The following LPP variants were observed in gnomAD, a reference collection of about 807,000 sequenced individuals.
LPP encodes LIM domain containing preferred translocation partner in lipoma.
A neutral mutation model predicts 60.4 loss-of-function variants in LPP; 38 were observed. That is an observed-to-expected ratio of 0.63 (90% CI 0.49 to 0.83). The LOEUF (loss-of-function observed/expected upper bound fraction) is 0.83. Ranked by LOEUF, LPP falls within the 40% of genes least tolerant of loss-of-function variation. The probability of loss-of-function intolerance (pLI) is 0.00; values close to 1 mark genes in which losing one functional copy is unlikely to be tolerated. For synonymous variants in LPP, 328 were observed against 290.8 expected, an observed-to-expected ratio of 1.13 and a Z score of -1.30; for missense variants, 902 against 783.6, an observed-to-expected ratio of 1.15 and a Z score of -1.80.
intron 7 of LPP, among the ~76,000 whole-genome samples, chr3:188,684,950 G>A (rs1860365464): frequency 6.6e-6 from 1 of 152,202 alleles, no homozygotes; most frequent in Admixed American, 6.5e-5. Flanking sequence ...AGTAATTGGT[G>A]CCTCAGAAGA....
At position 188,609,729 on chromosome 3, in the gene LPP, C is replaced by G. The variant is rs369623619; in HGVS notation, c.998C>G (p.Thr333Ser). Reference protein sequence around the residue: ...PNTWKREPGYTPPGAGNQNPP... With the variant: ...PNTWKREPGYSPPGAGNQNPP... ...ACCTGGAAACGGGAACCAGGGTACA[C>G]TCCTCCTGGAGCAGGGAACCAGAAC... Residue 333 changes from threonine to serine, a missense_variant, in exon 7 of 12, where the codon ACT becomes AGT. Physicochemically the swap from Thr to Ser is moderately conservative, Grantham distance 58. Coordinates refer to ENST00000617246, the MANE Select transcript of LPP (RefSeq NM_001375462.1). The surrounding 1 kb of genome is among the most constrained non-coding windows in gnomAD (Gnocchi z 6.9). 5 of 1,614,060 alleles carry G rather than the reference C, an allele frequency of 3.1e-6. No individual in the cohort carries two copies. The African/African-American group carries it at 6.7e-5, about 22-fold the overall frequency.
chr3:188,708,437 C>A, intron 8 of LPP, 44 bp downstream of exon 8: 1 of 1,613,888 alleles, frequency 6.2e-7, no homozygotes, highest in Non-Finnish European at 8.5e-7. Context: ...CTATCTTGCT[C>A]TGATTTCCTT....
intron 2 of LPP, among the ~76,000 whole-genome samples, chr3:188,314,899 T>C (rs1375187533): frequency 6.6e-6 from 1 of 152,218 alleles, no homozygotes; most frequent in Non-Finnish European, 1.5e-5. Flanking sequence ...ATGGGTTATT[T>C]CTTTAAAATA....
chr3:188,601,934 G>C (rs796508021), intron 6 of LPP, among the ~76,000 whole-genome samples: 3 of 151,152 alleles, frequency 2.0e-5, no homozygotes, highest in Non-Finnish European at 4.4e-5. Context: ...CTGGCGTGGT[G>C]GTGGGTGCCT....
chr3:188,607,980 T>C (rs1842858445), intron 6 of LPP, among the ~76,000 whole-genome samples: 1 of 152,192 alleles, frequency 6.6e-6, no homozygotes, highest in Non-Finnish European at 1.5e-5. Flanking sequence ...CTCTTCAACA[T>C]GTAAAGCTCT....
chr3:188,266,022 T>C (rs1735412254), intron 2 of LPP, among the ~76,000 whole-genome samples: 1 of 152,194 alleles, frequency 6.6e-6, no homozygotes, highest in Non-Finnish European at 1.5e-5. Context: ...TGTTGCTGCC[T>C]GGTTCTGCTC....
At chr3:188,619,925 T>C (rs1845507055) in intron 7 of LPP, among the ~76,000 whole-genome samples, 1 of 152,162 alleles carries the variant, frequency 6.6e-6, no homozygotes, top group African/African-American at 2.4e-5. Flanking sequence ...CTCCTTTTTT[T>C]CCCACCCTGG....
chr3:188,544,570 G>A (rs1218819659), intron 6 of LPP, among the ~76,000 whole-genome samples: 1 of 142,010 alleles, frequency 7.0e-6, no homozygotes, highest in Non-Finnish European at 1.5e-5. Flanking sequence ...TCTCACACCA[G>A]TTAGAATGGC....
At chr3:188,813,984 A>G (rs964892209) in intron 9 of LPP, among the ~76,000 whole-genome samples, 4 of 152,104 alleles carry the variant, frequency 2.6e-5, no homozygotes, top group South Asian at 2.1e-4. Flanking sequence ...AGGCAGGACA[A>G]TCACTTGAAC....
intron 4 of LPP, among the ~76,000 whole-genome samples, chr3:188,484,103 A>G (rs1326872165): frequency 6.6e-6 from 1 of 152,138 alleles, no homozygotes; most frequent in Non-Finnish European, 1.5e-5. Flanking sequence ...CCAAGGATGG[A>G]CGTACCTTCT....
chr3:188,581,695 C>A (rs1395029735), intron 6 of LPP, among the ~76,000 whole-genome samples: 1 of 152,042 alleles, frequency 6.6e-6, no homozygotes, highest in Non-Finnish European at 1.5e-5. Flanking sequence ...CCTGGTTATA[C>A]CCTGGATCTT....
chr3:188,240,638 A>G (rs1724130693), intron 2 of LPP, among the ~76,000 whole-genome samples: 2 of 152,236 alleles, frequency 1.3e-5, no homozygotes, highest in Admixed American at 6.5e-5. Context: ...ACTTTCATAT[A>G]AAAAAGCGTA....
rs146416891 is a variant in LPP, at chr3:188,529,232, T to C, written c.429+4445T>C. ...AAGTATGTGCCAAGAGAAGATGATG[T>C]CTATAGTAGACGGTGTTGTGTTATA... On this transcript the variant is annotated intron_variant, in intron 6 of 11. Coordinates refer to ENST00000617246, the MANE Select transcript of LPP (RefSeq NM_001375462.1). Among the ~76,000 whole-genome samples, 427 of 152,342 alleles carry C rather than the reference T, an allele frequency of 2.8e-3. 2 individuals carry two copies. The highest frequency in any genetic ancestry group is 9.9e-3 in the African/African-American group (413 of 41,576).
chr3:188,548,781 G>T (rs940825875), intron 6 of LPP, among the ~76,000 whole-genome samples: 3 of 152,146 alleles, frequency 2.0e-5, no homozygotes, highest in African/African-American at 7.2e-5. Flanking sequence ...GCAGAAACTG[G>T]GAGAGGCCGC....
Position 188,881,420 on chromosome 3 carries a change from A to G in LPP, c.*6941A>G, listed in dbSNP as rs1195388858. ...GCTGCTTCTTTAAACAGTGGACACA[A>G]ACATATTTTCTAATTTTCAGTGTAC... On this transcript the variant is annotated 3_prime_UTR_variant, in exon 12 of 12. Transcript: ENST00000617246. The G allele has an allele frequency of 9.7e-6, 2 of 206,138 alleles. No homozygotes were observed. Among genetic ancestry groups the G allele is most frequent in the African/African-American group, 2.3e-5 (1 of 44,000 alleles). 12.8% of individuals were successfully genotyped at this position (206,138 alleles called of 1,614,324 possible). A position where few individuals can be genotyped will look rare whatever the true frequency, so the allele number is the denominator to read the frequency against.
intron 7 of LPP, among the ~76,000 whole-genome samples, chr3:188,696,222 A>ACTCTCT (rs147482649): frequency 1.3e-3 from 197 of 148,906 alleles, no homozygotes; most frequent in Middle Eastern, 7.0e-3. Context: ...AGCACACAGT[A>ACTCTCT]CTCTCTCTCT....
Position 188,888,097 on chromosome 3 carries a change from G to A in LPP, c.*13618G>A, listed in dbSNP as rs916627071. The A allele has an allele frequency of 8.6e-5, 19 of 220,078 alleles. No individual in the cohort carries two copies. Among genetic ancestry groups the A allele is most frequent in the African/African-American group, 3.4e-4 (15 of 44,762 alleles). The allele number at this position is 220,078 out of a possible 1,614,324, so 13.6% of individuals were successfully genotyped here. A position where few individuals can be genotyped will look rare whatever the true frequency, so the allele number is the denominator to read the frequency against. Reference sequence around the variant, plus strand: ...TGAAACCTTTACAGTTGGATGTAGCGTTGAGCTTTTGCATGTTTTCTGTAT... The same window carrying A: ...TGAAACCTTTACAGTTGGATGTAGCATTGAGCTTTTGCATGTTTTCTGTAT... On this transcript the variant is annotated 3_prime_UTR_variant, in exon 12 of 12. Transcript: ENST00000617246.
chr3:188,296,952 A>G (rs1377494082), intron 2 of LPP, among the ~76,000 whole-genome samples: 1 of 152,238 alleles, frequency 6.6e-6, no homozygotes, highest in East Asian at 1.9e-4. Context: ...GGCAAACAAG[A>G]AAAGAGAAGA....
chr3:188,684,173 G>A (rs1012075174), intron 7 of LPP, among the ~76,000 whole-genome samples: 1 of 152,174 alleles, frequency 6.6e-6, no homozygotes, highest in Non-Finnish European at 1.5e-5. Flanking sequence ...TTAAATGTTT[G>A]CATATTTTTA....
Sources: allele counts gnomAD v4.1 joint callset (sites outside exome capture counted in the v4.1 genomes callset), GRCh38; gene constraint gnomAD v4.1.1; non-coding constraint Gnocchi (gnomAD v3.1); transcripts MANE v1.5; gene names NCBI Gene and HGNC (gene_info 2026-07-23, HGNC 2026-07-21).